The following UGT1A8 variants were observed in gnomAD, a reference collection of about 807,000 sequenced individuals.
The protein encoded by UGT1A8 is UDP glucuronosyltransferase family 1 member A8.
A neutral mutation model predicts 45.3 loss-of-function variants in UGT1A8; 39 were observed. The ratio of observed to expected loss-of-function variants is 0.86; its 90% confidence interval spans 0.67 to 1.12. The LOEUF (loss-of-function observed/expected upper bound fraction) is 1.12. UGT1A8 is among the 50% of genes most tolerant of loss of function. UGT1A8 has a pLI of 0.00. For synonymous variants in UGT1A8, 275 were observed against 249.2 expected, an observed-to-expected ratio of 1.10 and a Z score of -0.97; for missense variants, 719 against 664.9, an observed-to-expected ratio of 1.08 and a Z score of -0.90.
At chr2:233,626,973 G>A (rs2073095565) in intron 1 of UGT1A8, among the ~76,000 whole-genome samples, 3 of 152,138 alleles carry the variant, frequency 2.0e-5, no homozygotes, top group Admixed American at 6.6e-5. Flanking sequence ...CCTTCTTGTT[G>A]TACAACCAAA....
chr2:233,734,549 C>A (rs1463144375), intron 1 of UGT1A8, among the ~76,000 whole-genome samples: 2 of 152,092 alleles, frequency 1.3e-5, no homozygotes, highest in Non-Finnish European at 2.9e-5. Flanking sequence ...TTCTTCCCTT[C>A]TGCTAGCTTT....
At chr2:233,662,755 G>A (rs1168023550) in intron 1 of UGT1A8, among the ~76,000 whole-genome samples, 3 of 150,740 alleles carry the variant, frequency 2.0e-5, no homozygotes. Flanking sequence ...TTAGCTGTGG[G>A]TTTTTCCAAG....
intron 1 of UGT1A8, chr2:233,729,581 A>AC (rs752036126): frequency 6.8e-6 from 11 of 1,613,946 alleles, no homozygotes. Context: ...GTTTTAACAG[A>AC]CCCCGTTAAC....
At chr2:233,660,398 G>A (rs941721741) in intron 1 of UGT1A8, among the ~76,000 whole-genome samples, 1 of 152,124 alleles carries the variant, frequency 6.6e-6, no homozygotes, top group Non-Finnish European at 1.5e-5. Context: ...GAATTCATGG[G>A]GTTCTGGATG....
At chr2:233,654,912 CA>C (rs2073822650) in intron 1 of UGT1A8, among the ~76,000 whole-genome samples, 2 of 152,016 alleles carry the variant, frequency 1.3e-5, no homozygotes, top group Non-Finnish European at 2.9e-5. Flanking sequence ...GCCAACATGG[CA>C]AAACCCCGTC....
intron 1 of UGT1A8, among the ~76,000 whole-genome samples, chr2:233,764,955 T>G (rs891211439): frequency 6.6e-6 from 1 of 151,792 alleles, no homozygotes; most frequent in Non-Finnish European, 1.5e-5. Flanking sequence ...GAGAGAGGGC[T>G]CACCTTGGGA....
intron 1 of UGT1A8, among the ~76,000 whole-genome samples, chr2:233,666,415 A>G (rs1047051215): frequency 6.6e-6 from 1 of 152,136 alleles, no homozygotes; most frequent in African/African-American, 2.4e-5. Flanking sequence ...ATTAAACCTC[A>G]GTTTTAGTTT....
intron 1 of UGT1A8, chr2:233,753,430 GGTTAAT>G (rs1304983962): frequency 6.6e-6 from 1 of 152,150 alleles, no homozygotes; most frequent in African/African-American, 2.4e-5. Flanking sequence ...AGTATTTGTT[GGTTAAT>G]GATGTGTTCA....
At chr2:233,635,503 C>T (rs1377175633) in intron 1 of UGT1A8, among the ~76,000 whole-genome samples, 5 of 150,864 alleles carry the variant, frequency 3.3e-5, no homozygotes, top group Admixed American at 6.7e-5. Context: ...ATTGGGAGGG[C>T]AGTGCCAAGC....
At chr2:233,672,702 C>T in intron 1 of UGT1A8, 1 of 1,613,908 alleles carries the variant, frequency 6.2e-7, no homozygotes, top group Non-Finnish European at 8.5e-7. Flanking sequence ...TGCGAACGGA[C>T]TTTGTTTTGG....
intron 1 of UGT1A8, among the ~76,000 whole-genome samples, chr2:233,639,952 G>A (rs895283293): frequency 1.3e-5 from 2 of 152,188 alleles, no homozygotes; most frequent in African/African-American, 4.8e-5. Context: ...AATTTTTGGT[G>A]AGTTCCAACA....
chr2:233,738,552 A>G (rs1690828965), intron 1 of UGT1A8, among the ~76,000 whole-genome samples: 1 of 152,208 alleles, frequency 6.6e-6, no homozygotes, highest in South Asian at 2.1e-4. Flanking sequence ...TCTCAGATAG[A>G]GATGAGGAAT....
At chr2:233,743,383 G>A (rs1366748505) in intron 1 of UGT1A8, 1 of 1,197,714 alleles carries the variant, frequency 8.3e-7, no homozygotes, top group Non-Finnish European at 1.1e-6. Context: ...ACTACCGTAG[G>A]ACATGCAGAA....
chr2:233,742,149 G>A (rs1392863105), intron 1 of UGT1A8, among the ~76,000 whole-genome samples: 1 of 151,848 alleles, frequency 6.6e-6, no homozygotes, highest in Non-Finnish European at 1.5e-5. Context: ...AGCGCTAGAC[G>A]AATTAAAGAC....
chr2:233,693,122 C>T, intron 1 of UGT1A8: 6 of 1,614,092 alleles, frequency 3.7e-6, no homozygotes, highest in Non-Finnish European at 5.1e-6. Flanking sequence ...AAGCCACTGG[C>T]TTAGTATGAA....
rs770884243 is a variant in UGT1A8 at position 233,618,060 on chromosome 2, A to G, written c.353A>G (p.Asn118Ser). 21 of 1,613,780 alleles carry G rather than the reference A, an allele frequency of 1.3e-5. No individual in the cohort carries two copies. In the Admixed American group the frequency reaches 1.5e-4, roughly 12 times the overall value. Reference protein sequence around the residue: ...LFLSSSNGFFNLFFSHCRSLF... With the variant: ...LFLSSSNGFFSLFFSHCRSLF... Reference sequence around the variant, plus strand: ...CTGAGTTCATCCAATGGTTTTTTTAACTTATTTTTTTCGCATTGCAGGAGT... The same window carrying G: ...CTGAGTTCATCCAATGGTTTTTTTAGCTTATTTTTTTCGCATTGCAGGAGT... The change falls in exon 1 of 5, where the codon AAC becomes AGC. Residue 118 changes from asparagine to serine, a missense_variant. By Grantham distance (46) the Asn-to-Ser change is conservative (BLOSUM62 1). Coordinates refer to ENST00000373450, the MANE Select transcript of UGT1A8 (RefSeq NM_019076.5).
intron 1 of UGT1A8, among the ~76,000 whole-genome samples, chr2:233,690,312 T>C (rs1469713381): frequency 6.6e-6 from 1 of 152,206 alleles, no homozygotes; most frequent in East Asian, 1.9e-4. Flanking sequence ...CCATTACTTA[T>C]GGGTCGTAGG....
intron 1 of UGT1A8, among the ~76,000 whole-genome samples, chr2:233,661,680 T>TTTCTTTCTTTCTTTCC (rs2073972512): frequency 6.7e-6 from 1 of 149,242 alleles, no homozygotes; most frequent in Admixed American, 6.8e-5. Flanking sequence ...TCTTTCTTTC[T>TTTCTTTCTTTCTTTCC]TTTTAAACAA....
chr2:233,672,303 T>C (rs374589183), intron 1 of UGT1A8: 3 of 1,614,030 alleles, frequency 1.9e-6, no homozygotes, highest in Non-Finnish European at 2.5e-6. Context: ...TTTTTTCAAA[T>C]TGCAGGAGTT....
Sources: allele counts gnomAD v4.1 joint callset (sites outside exome capture counted in the v4.1 genomes callset), GRCh38; gene constraint gnomAD v4.1.1; transcripts MANE v1.5; gene names NCBI Gene and HGNC (gene_info 2026-07-23, HGNC 2026-07-21).